ERLIN1: variants seen among roughly 807,000 people sequenced by gnomAD.
The protein encoded by ERLIN1 is ER lipid raft associated 1, also known as erlin-1.
In ERLIN1, 24 loss-of-function variants were observed where a neutral mutation model predicts 46.9. The ratio of observed to expected loss-of-function variants is 0.51; its 90% CI spans 0.37 to 0.72. The LOEUF (loss-of-function observed/expected upper bound fraction) is 0.72, where lower values mean the gene tolerates loss of function less well. Ranked by LOEUF, ERLIN1 falls within the 30% of genes least tolerant of loss-of-function variation. ERLIN1 has a pLI of 0.00. For synonymous variants in ERLIN1, 158 were observed against 143.2 expected (o/e 1.10, Z -0.74); for missense variants, 293 against 417.9 (o/e 0.70, Z 2.61).
At chr10:100,153,723 A>T (rs1363313436) in intron 10 of ERLIN1, among the ~76,000 whole-genome samples, 5 of 152,170 alleles carry the variant, frequency 3.3e-5, no homozygotes, top group African/African-American at 1.2e-4. Flanking sequence ...AAATGGCATA[A>T]AACTACTGCC....
At chr10:100,179,999 A>G (rs1844545926) in intron 2 of ERLIN1, among the ~76,000 whole-genome samples, 2 of 152,250 alleles carry the variant, frequency 1.3e-5, no homozygotes, top group African/African-American at 4.8e-5. Context: ...TAAGACTCAA[A>G]GCTGCCCTTG....
chr10:100,178,859 GTC>G (rs1475574452), intron 3 of ERLIN1, among the ~76,000 whole-genome samples: 2 of 152,148 alleles, frequency 1.3e-5, no homozygotes, highest in African/African-American at 2.4e-5. Context: ...TATAAAAACT[GTC>G]TGTACTTTTT....
At position 100,185,995 on chromosome 10, in the gene ERLIN1, C is replaced by CAG; in HGVS notation, c.-371_-370dup. 2.3e-6 allele frequency: 1 copy of CAG among 426,488 alleles called. No homozygotes were observed. The highest frequency in any genetic ancestry group is 4.1e-6 in the Non-Finnish European group (1 of 243,184). 26.4% of individuals were successfully genotyped at this position (426,488 alleles called of 1,614,324 possible). On this transcript the variant is annotated 5_prime_UTR_variant, in exon 1 of 11. Coordinates refer to ENST00000421367, the MANE Select transcript of ERLIN1 (RefSeq NM_006459.4). ...GACGCATCGCCCCCGCCCGCACGTG[C>CAG]AGCCGACTCCCGCGCCGAGCCAACC...
At chr10:100,181,491 GTCTTAC>G (rs1564818756) in intron 2 of ERLIN1, among the ~76,000 whole-genome samples, 1 of 147,552 alleles carries the variant, frequency 6.8e-6, no homozygotes, top group Admixed American at 6.7e-5. Flanking sequence ...ATAAATTTAT[GTCTTAC>G]TCTCTTAAGA....
chr10:100,167,401 C>T lies in ERLIN1; in HGVS notation c.510G>A (p.Val170=). Residue 170 remains valine, a synonymous_variant, in exon 7 of 11, where the codon GTG becomes GTA. Coordinates refer to ENST00000421367, the MANE Select transcript of ERLIN1 (RefSeq NM_006459.4). Reference sequence around the variant, plus strand: ...CTGGGATTTTGGGTTTTGTAACACGCACAGCCTAAAAAATAAAAGTGAAAA... The same window carrying T: ...CTGGGATTTTGGGTTTTGTAACACGTACAGCCTAAAAAATAAAAGTGAAAA... ...LMAPGLTIQA[V]RVTKPKIPEA... 6.2e-7 allele frequency: 1 copy of T among 1,612,552 alleles called. No individual in the cohort carries two copies. Among genetic ancestry groups the T allele is most frequent in the Non-Finnish European group, 8.5e-7 (1 of 1,179,272 alleles).
In ERLIN1 at chr10:100,167,545, G is replaced by T; in HGVS notation, c.505-139C>A. On this transcript the variant is annotated intron_variant, in intron 6 of 10. Transcript: ENST00000421367. ...ATAGCGGCCTACTAACACGTTTGGG[G>T]ATCCCACCAGAACATTTACTTTTCA... is the stretch of plus-strand genomic sequence containing the variant. The T allele has an allele frequency of 9.3e-6, 6 of 643,154 alleles. No homozygotes were observed. The African/African-American group carries it at 1.1e-4, about 12-fold the overall frequency. The allele number at this position is 643,154 out of a possible 1,614,324, so 39.8% of individuals were successfully genotyped here. A position where few individuals can be genotyped will look rare whatever the true frequency, so the allele number is the denominator to read the frequency against.
At chr10:100,167,437 T>C in intron 6 of ERLIN1, 31 bp from the exon 7 acceptor site, 2 of 1,562,856 alleles carry the variant, frequency 1.3e-6, no homozygotes, top group Non-Finnish European at 1.8e-6. Flanking sequence ...AGCCAAAGTA[T>C]ATTTGAAAGA....
chr10:100,156,452 G>A (rs1241409700), intron 8 of ERLIN1, among the ~76,000 whole-genome samples: 1 of 152,118 alleles, frequency 6.6e-6, no homozygotes, highest in East Asian at 1.9e-4. Context: ...TAGTTTTGTG[G>A]GAAGAAGGAG....
rs539269752 is a variant in ERLIN1, at chr10:100,170,269, G to A, written c.505-2863C>T. On this transcript the variant is annotated intron_variant, in intron 6 of 10. Transcript: ENST00000421367. ...ATTCTTAAAATGCATTCCAACTATT[G>A]TAAAAAAAATTTTATAACAAGACAA... 4.2e-4 allele frequency among the ~76,000 whole-genome samples: 64 copies of A among 152,098 alleles called. No homozygotes were observed. In the East Asian group the frequency reaches 0.012, roughly 29 times the overall value.
At chr10:100,183,630 C>T in intron 2 of ERLIN1, 126 bp downstream of exon 2, 1 of 595,860 alleles carries the variant, frequency 1.7e-6, no homozygotes, top group Non-Finnish European at 3.0e-6. Flanking sequence ...TGAACGTTAA[C>T]TTCTGCATTT....
intron 8 of ERLIN1, among the ~76,000 whole-genome samples, chr10:100,161,927 T>A (rs1001906023): frequency 2.6e-5 from 4 of 152,156 alleles, no homozygotes; most frequent in African/African-American, 4.8e-5. Flanking sequence ...AAATTCTAGA[T>A]GGGCTAAAGA....
chr10:100,153,408 G>T (rs1842909247), intron 10 of ERLIN1, among the ~76,000 whole-genome samples: 1 of 152,098 alleles, frequency 6.6e-6, no homozygotes, highest in South Asian at 2.1e-4. Context: ...ATCTGGATTT[G>T]ATTAAAACCC....
chr10:100,179,083 A>C (rs527421027), intron 3 of ERLIN1, 118 bp downstream of exon 3: 2 of 726,290 alleles, frequency 2.8e-6, no homozygotes, highest in Non-Finnish European at 4.7e-6. Flanking sequence ...TGCTCAGATC[A>C]GAAGTCCCCT....
In ERLIN1 at chr10:100,152,580, C is replaced by A. The variant is rs554723441; in HGVS notation, c.826-228G>T. 5.9e-5 allele frequency among the ~76,000 whole-genome samples: 9 copies of A among 152,120 alleles called. No homozygotes were observed. In the East Asian group the frequency reaches 1.7e-3, roughly 29 times the overall value. The stretch of plus-strand genomic sequence containing the variant: ...GACTTAATGCAAGAGAAGCTGTTCA[C>A]TTTTTAATAAAAGGATGGGGGAGTT... On this transcript the variant is annotated intron_variant, in intron 10 of 10. Coordinates refer to ENST00000421367, the MANE Select transcript of ERLIN1 (RefSeq NM_006459.4).
chr10:100,154,785 C>T, intron 10 of ERLIN1, 75 bp downstream of exon 10: 2 of 1,136,244 alleles, frequency 1.8e-6, no homozygotes, highest in South Asian at 2.6e-5. Flanking sequence ...TCACTTCTAT[C>T]ATATCAGAGC....
At chr10:100,181,047 G>T (rs1223169590) in intron 2 of ERLIN1, among the ~76,000 whole-genome samples, 1 of 152,026 alleles carries the variant, frequency 6.6e-6, no homozygotes, top group Non-Finnish European at 1.5e-5. Flanking sequence ...TAGGTTAAGG[G>T]GATTGATGAA....
chr10:100,181,513 CTTTTT>C (rs34628060), intron 2 of ERLIN1, among the ~76,000 whole-genome samples: 3 of 126,996 alleles, frequency 2.4e-5, no homozygotes, highest in African/African-American at 3.2e-5. Context: ...TAAGAACACT[CTTTTT>C]TTTTTTTTTT....
In ERLIN1 at chr10:100,185,501, A is replaced by C; in HGVS notation, c.113+13T>G. ...CTGCTCTAGAGCCCTAACTGACTGC[A>C]CATGCCGCTCACCTGTAGTACACAG... On this transcript the variant is annotated intron_variant, in intron 1 of 10. Transcript: ENST00000421367. 1 of 1,590,192 alleles carries C rather than the reference A, an allele frequency of 6.3e-7. No individual in the cohort carries two copies. Among genetic ancestry groups the C allele is most frequent in the Non-Finnish European group, 8.6e-7 (1 of 1,158,418 alleles).
At chr10:100,185,482 T>G in intron 1 of ERLIN1, 32 bp downstream of exon 1, 2 of 1,521,192 alleles carry the variant, frequency 1.3e-6, no homozygotes, top group Non-Finnish European at 1.8e-6. Flanking sequence ...TAATCTGCTC[T>G]AGAGCCCTAA....
Sources: allele counts gnomAD v4.1 joint callset (sites outside exome capture counted in the v4.1 genomes callset), GRCh38; gene constraint gnomAD v4.1.1; transcripts MANE v1.5; gene names NCBI Gene and HGNC (gene_info 2026-07-23, HGNC 2026-07-21).